BMPER: variants seen among roughly 807,000 people sequenced by gnomAD.
BMPER encodes the protein BMP binding endothelial regulator.
In BMPER, 45 loss-of-function variants were observed where a neutral mutation model predicts 87.3. The observed-to-expected ratio is 0.52, with a 90% CI of 0.41 to 0.66. The LOEUF (loss-of-function observed/expected upper bound fraction) is 0.66. BMPER is among the 30% of genes least tolerant of loss of function. The pLI is 0.00. For synonymous variants in BMPER, 326 were observed against 316.2 expected (o/e 1.03, Z -0.33); for missense variants, 784 against 867.5 (o/e 0.90, Z 1.21).
chr7:34,079,587 G>A (rs1233246595), intron 12 of BMPER, among the ~76,000 whole-genome samples: 1 of 152,202 alleles, frequency 6.6e-6, no homozygotes, highest in African/African-American at 2.4e-5. Context: ...AGCTAGCTAT[G>A]TGCAGTTTCA....
At chr7:34,066,402 T>C (rs1788593201) in intron 11 of BMPER, among the ~76,000 whole-genome samples, 1 of 152,208 alleles carries the variant, frequency 6.6e-6, no homozygotes, top group African/African-American at 2.4e-5. Context: ...TGGAACAGGC[T>C]CTCTTTCTCC....
Position 33,924,729 on chromosome 7 carries a change from G to A in BMPER, c.220-12560G>A, listed in dbSNP as rs532230359. Reference sequence around the variant, plus strand: ...GTCGCCCGGGCTGGAGTGCAATGGCGCAATCTTGGCTCACTGCAACCTCTG... The same window carrying A: ...GTCGCCCGGGCTGGAGTGCAATGGCACAATCTTGGCTCACTGCAACCTCTG... On this transcript the variant is annotated intron_variant, in intron 2 of 14. Transcript: ENST00000649409. Among the ~76,000 whole-genome samples the A allele has an allele frequency of 4.6e-5, 7 of 152,222 alleles. No individual in the cohort carries two copies. In the East Asian group the frequency reaches 1.2e-3, roughly 25 times the overall value.
At chr7:33,967,747 C>T (rs372540046) in intron 4 of BMPER, among the ~76,000 whole-genome samples, 3 of 152,192 alleles carry the variant, frequency 2.0e-5, no homozygotes, top group Non-Finnish European at 4.4e-5. Context: ...CATGCCCTGC[C>T]TCTTGACCAG....
chr7:33,916,178 G>A (rs1015863433), intron 2 of BMPER, among the ~76,000 whole-genome samples: 3 of 152,190 alleles, frequency 2.0e-5, no homozygotes, highest in Non-Finnish European at 4.4e-5. Context: ...CAGAAGAGGC[G>A]ACTGCTGCTT....
chr7:34,009,520 G>A (rs956570914), intron 6 of BMPER, among the ~76,000 whole-genome samples: 1 of 151,894 alleles, frequency 6.6e-6, no homozygotes, highest in Non-Finnish European at 1.5e-5. Flanking sequence ...AATGCAAGTA[G>A]CAGACTTAGC....
chr7:34,120,454 G>A (rs7384454), intron 13 of BMPER, among the ~76,000 whole-genome samples: 25,936 of 151,732 alleles, frequency 0.17, 2,409 homozygotes, highest in Non-Finnish European at 0.2. Context: ...ACTGGAGTGC[G>A]ATGGCACAAT....
chr7:33,953,636 C>T (rs1037808266), intron 3 of BMPER, among the ~76,000 whole-genome samples: 9 of 152,020 alleles, frequency 5.9e-5, no homozygotes, highest in Admixed American at 4.6e-4. Context: ...TTTTTTATGG[C>T]GAGACACACA....
chr7:33,972,675 C>T (rs1195798976), intron 5 of BMPER, among the ~76,000 whole-genome samples: 1 of 152,190 alleles, frequency 6.6e-6, no homozygotes, highest in Non-Finnish European at 1.5e-5. Flanking sequence ...CATGCCCACA[C>T]ACACCGCGAG....
At chr7:33,969,345 A>G (rs1785479024) in intron 4 of BMPER, among the ~76,000 whole-genome samples, 1 of 152,206 alleles carries the variant, frequency 6.6e-6, no homozygotes, top group South Asian at 2.1e-4. Context: ...ATTTCAATTG[A>G]CATTAAGGTG....
Position 33,982,150 on chromosome 7 carries a change from C to T in BMPER, c.576+7366C>T, listed in dbSNP as rs150568919. On this transcript the variant is annotated intron_variant, in intron 6 of 14. Coordinates refer to ENST00000649409, the MANE Select transcript of BMPER (RefSeq NM_001365308.1). ...CATCATTTCTGTGGTCACGTGGTGC[C>T]CAACTGTGCTGTTTCTCCTTTGACA... 2.1e-3 allele frequency among the ~76,000 whole-genome samples: 321 copies of T among 152,302 alleles called. 1 individual carries two copies. The highest frequency in any genetic ancestry group is 6.3e-3 in the African/African-American group (261 of 41,566).
At chr7:34,063,397 G>A (rs1298607797) in intron 11 of BMPER, among the ~76,000 whole-genome samples, 1 of 145,428 alleles carries the variant, frequency 6.9e-6, no homozygotes, top group Non-Finnish European at 1.5e-5. Flanking sequence ...GTGTGTGTGT[G>A]TGTGTGTGTA....
chr7:34,039,896 A>G (rs1787791398), intron 6 of BMPER, among the ~76,000 whole-genome samples: 1 of 152,102 alleles, frequency 6.6e-6, no homozygotes, highest in African/African-American at 2.4e-5. Flanking sequence ...TCAAGGTCTC[A>G]TCAGGAGGCA....
chr7:34,069,672 T>C (rs1054233225), intron 11 of BMPER, among the ~76,000 whole-genome samples: 2 of 152,226 alleles, frequency 1.3e-5, no homozygotes, highest in African/African-American at 4.8e-5. Flanking sequence ...CAAACAGATA[T>C]GAGGTTTGCC....
chr7:33,905,022 G>A (rs117405942), upstream of BMPER: 1,103 of 156,438 alleles, frequency 7.1e-3, 46 homozygotes, highest in East Asian at 0.12. Context: ...TGCAGCTATC[G>A]CGCAGTCCCT....
At chr7:33,937,226 G>A in intron 2 of BMPER, 63 bp from the exon 3 acceptor site, 1 of 1,542,926 alleles carries the variant, frequency 6.5e-7, no homozygotes, top group Middle Eastern at 1.8e-4. Flanking sequence ...TCTGTGGTGT[G>A]TTAGGATTTG....
At chr7:34,040,669 A>G (rs1380137543) in intron 6 of BMPER, among the ~76,000 whole-genome samples, 2 of 152,188 alleles carry the variant, frequency 1.3e-5, no homozygotes, top group Non-Finnish European at 2.9e-5. Context: ...TGTTCTTTCA[A>G]CTGAGTGGAA....
chr7:34,094,958 AT>A (rs1167962697), intron 13 of BMPER, among the ~76,000 whole-genome samples: 1 of 152,176 alleles, frequency 6.6e-6, no homozygotes, highest in Non-Finnish European at 1.5e-5. Flanking sequence ...TTACATGGTC[AT>A]TGCTAGACTC....
At chr7:33,967,967 T>C (rs1785444058) in intron 4 of BMPER, among the ~76,000 whole-genome samples, 1 of 152,220 alleles carries the variant, frequency 6.6e-6, no homozygotes, top group South Asian at 2.1e-4. Context: ...GAAGCTATTA[T>C]ATGGGAGGGA....
At chr7:34,115,461 T>C (rs928808172) in intron 13 of BMPER, among the ~76,000 whole-genome samples, 2 of 152,228 alleles carry the variant, frequency 1.3e-5, no homozygotes, top group Non-Finnish European at 2.9e-5. Context: ...TTACTACCTG[T>C]AAAAGTAACC....
Sources: gnomAD v4.1 joint callset for allele counts (sites outside exome capture counted in the v4.1 genomes callset) on GRCh38, gnomAD v4.1.1 for gene constraint, MANE v1.5 for transcripts, NCBI Gene and HGNC (gene_info 2026-07-23, HGNC 2026-07-21) for gene names.